The following CCDC85C variants were observed in gnomAD, a reference collection of about 807,000 sequenced individuals.
The protein encoded by CCDC85C is coiled-coil domain-containing protein 85C.
In CCDC85C, 18 loss-of-function variants were observed where a neutral mutation model predicts 38.3. The ratio of observed to expected loss-of-function variants is 0.47; its 90% confidence interval spans 0.33 to 0.70. The LOEUF (loss-of-function observed/expected upper bound fraction) is 0.70. CCDC85C is among the 30% of genes least tolerant of loss of function. The probability of loss-of-function intolerance (pLI) is 0.03; values close to 1 mark genes in which losing one functional copy is unlikely to be tolerated. For missense variants in CCDC85C, 566 were observed against 621.2 expected, an observed-to-expected ratio of 0.91 and a Z score of 0.94; for synonymous variants, 264 against 293.8, an observed-to-expected ratio of 0.90 and a Z score of 1.04.
At chr14:99,552,779 G>A (rs886357172) in intron 1 of CCDC85C, among the ~76,000 whole-genome samples, 3 of 152,252 alleles carry the variant, frequency 2.0e-5, no homozygotes, top group South Asian at 2.1e-4. Flanking sequence ...TTGGACCCAA[G>A]GTTCTCCCCG....
At chr14:99,551,119 A>G (rs1418562726) in intron 1 of CCDC85C, among the ~76,000 whole-genome samples, 1 of 152,254 alleles carries the variant, frequency 6.6e-6, no homozygotes, top group East Asian at 1.9e-4. Flanking sequence ...TGCTTGTGAC[A>G]TAATGACAAA....
In CCDC85C at chr14:99,545,690, C is replaced by T. The variant is rs1897792274; in HGVS notation, c.794-9602G>A. On this transcript the variant is annotated intron_variant, in intron 1 of 5. Coordinates refer to ENST00000380243, the MANE Select transcript of CCDC85C (RefSeq NM_001144995.2). The surrounding 1 kb of genome is among the most constrained non-coding windows in gnomAD (Gnocchi z 4.7). ...GTGTGCAGACATCAGCTAGTCCCGC[C>T]GGGGAGAGACATCTCACCACACAGC... Among the ~76,000 whole-genome samples, 1 of 152,060 alleles carries T rather than the reference C, an allele frequency of 6.6e-6. No homozygotes were observed. Among genetic ancestry groups the T allele is most frequent in the East Asian group, 1.9e-4 (1 of 5,158 alleles).
Position 99,501,334 on chromosome 14 carries a change from A to G in CCDC85C, c.*13912T>C. The G allele has an allele frequency of 6.5e-7, 1 of 1,532,994 alleles. No homozygotes were observed. Among genetic ancestry groups the G allele is most frequent in the South Asian group, 1.1e-5 (1 of 89,096 alleles). The allele number at this position is 1,532,994 out of a possible 1,614,324, so 95.0% of individuals were successfully genotyped here. ...TGAATTTTTCTATTGCTATTAATTT[A>G]CCTTTTTGTCCCCATTTCTAGGTGA... is the stretch of plus-strand genomic sequence containing the variant. On this transcript the variant is annotated 3_prime_UTR_variant, in exon 6 of 6. Coordinates refer to ENST00000380243, the MANE Select transcript of CCDC85C (RefSeq NM_001144995.2).
intron 1 of CCDC85C, among the ~76,000 whole-genome samples, chr14:99,601,039 A>C (rs969838178): frequency 2.0e-5 from 3 of 152,302 alleles, no homozygotes; most frequent in Admixed American, 2.0e-4. Flanking sequence ...AAAGGGAAAA[A>C]AGAAAGAAAG....
chr14:99,520,957 A>G lies in CCDC85C; in HGVS notation c.975+1176T>C, dbSNP rs1341013315. On this transcript the variant is annotated intron_variant, in intron 3 of 5. Coordinates refer to ENST00000380243, the MANE Select transcript of CCDC85C (RefSeq NM_001144995.2). This position sits in a 1 kb window ranked among gnomAD's most constrained non-coding sequence, Gnocchi z 4.1. ...ACTCTCAGGCCTTGAGGCTCGGCCC[A>G]TGCCTGAGGTGTGCTCTCCAGAGGC... Among the ~76,000 whole-genome samples the G allele has an allele frequency of 1.3e-5, 2 of 152,240 alleles. No individual in the cohort carries two copies. The highest frequency in any genetic ancestry group is 2.9e-5 in the Non-Finnish European group (2 of 68,038).
intron 5 of CCDC85C, among the ~76,000 whole-genome samples, chr14:99,515,902 G>A (rs923433951): frequency 6.6e-6 from 1 of 152,046 alleles, no homozygotes; most frequent in African/African-American, 2.4e-5. Context: ...CCAGTCCCGG[G>A]GGGGTGGGGG....
In CCDC85C at chr14:99,520,277, G is replaced by C. The variant is rs867586182; in HGVS notation, c.975+1856C>G. ...TCTGGATAACCCCCTCACTCTCCCC[G>C]GGGGTCCAAGTGCCAGACATGGGCT... is the stretch of plus-strand genomic sequence containing the variant. On this transcript the variant is annotated intron_variant, in intron 3 of 5. Coordinates refer to ENST00000380243, the MANE Select transcript of CCDC85C (RefSeq NM_001144995.2). This position sits in a 1 kb window ranked among gnomAD's most constrained non-coding sequence, Gnocchi z 4.1. 1.3e-5 allele frequency among the ~76,000 whole-genome samples: 2 copies of C among 152,084 alleles called. No individual in the cohort carries two copies. Among genetic ancestry groups the C allele is most frequent in the Non-Finnish European group, 2.9e-5 (2 of 67,972 alleles).
At chr14:99,542,740 C>A (rs1011164835) in intron 1 of CCDC85C, among the ~76,000 whole-genome samples, 1 of 152,232 alleles carries the variant, frequency 6.6e-6, no homozygotes, top group Non-Finnish European at 1.5e-5. Context: ...AACCCTTGGC[C>A]GCTGCTTCAT....
At chr14:99,521,060 C>G (rs903816316) in intron 3 of CCDC85C, among the ~76,000 whole-genome samples, 1 of 152,196 alleles carries the variant, frequency 6.6e-6, no homozygotes, top group Non-Finnish European at 1.5e-5. Context: ...CTGCAGGCCA[C>G]GCGGAAGACT....
In CCDC85C at chr14:99,510,389, G is replaced by A. The variant is rs1322405212; in HGVS notation, c.*4857C>T. Reference sequence around the variant, plus strand: ...AGGGCTACCAGAGCCTGCAGTCCATGATGAAGACCGAGGGACCCTCCTACG... The same window carrying A: ...AGGGCTACCAGAGCCTGCAGTCCATAATGAAGACCGAGGGACCCTCCTACG... On this transcript the variant is annotated 3_prime_UTR_variant, in exon 6 of 6. Transcript: ENST00000380243. 6 of 1,566,390 alleles carry A rather than the reference G, an allele frequency of 3.8e-6. No homozygotes were observed. The highest frequency in any genetic ancestry group is 1.9e-5 in the Admixed American group (1 of 52,402).
intron 1 of CCDC85C, among the ~76,000 whole-genome samples, chr14:99,561,569 GGGCGCCATGCAGT>G (rs1898117917): frequency 2.0e-5 from 3 of 152,190 alleles, no homozygotes; most frequent in African/African-American, 7.2e-5. Context: ...CACCAGGGGC[GGGCGCCATGCAGT>G]GGCTCCTGGC....
In CCDC85C at chr14:99,510,211, T is replaced by C; in HGVS notation, c.*5035A>G. On this transcript the variant is annotated 3_prime_UTR_variant, in exon 6 of 6. Coordinates refer to ENST00000380243, the MANE Select transcript of CCDC85C (RefSeq NM_001144995.2). ...GGTGAGGCTGAGCCGCCGGGCCCTG[T>C]GGATGCCACTGACCTCCCCAAAGTC... 6.3e-7 allele frequency: 1 copy of C among 1,597,212 alleles called. No individual in the cohort carries two copies. Among genetic ancestry groups the C allele is most frequent in the Non-Finnish European group, 8.5e-7 (1 of 1,175,102 alleles).
chr14:99,511,082 T>C lies in CCDC85C; in HGVS notation c.*4164A>G, dbSNP rs1188787049. The stretch of plus-strand genomic sequence containing the variant: ...TACTAGTGAGGACGTTAACCAGCCA[T>C]ATTGGCTCAATAAATAGCTTCGGTA... On this transcript the variant is annotated 3_prime_UTR_variant, in exon 6 of 6. Transcript: ENST00000380243. 4.0e-6 allele frequency: 1 copy of C among 248,642 alleles called. No individual in the cohort carries two copies. The highest frequency in any genetic ancestry group is 7.6e-6 in the Non-Finnish European group (1 of 130,956). 15.4% of individuals were successfully genotyped at this position (248,642 alleles called of 1,614,324 possible). A position where few individuals can be genotyped will look rare whatever the true frequency, so the allele number is the denominator to read the frequency against.
Position 99,558,372 on chromosome 14 carries a change from A to G in CCDC85C, c.794-22284T>C, listed in dbSNP as rs111449912. Among the ~76,000 whole-genome samples the G allele has an allele frequency of 6.6e-6, 1 of 152,258 alleles. No individual in the cohort carries two copies. The highest frequency in any genetic ancestry group is 2.4e-5 in the African/African-American group (1 of 41,468). ...TAAGGTCCAGAGGAGACCACACTGT[A>G]TTAGGGTGGCCCTAAATCCAGTGAC... On this transcript the variant is annotated intron_variant, in intron 1 of 5. Transcript: ENST00000380243. The surrounding 1 kb of genome is among the most constrained non-coding windows in gnomAD (Gnocchi z 4.2).
chr14:99,594,683 G>A (rs1190727602), intron 1 of CCDC85C, among the ~76,000 whole-genome samples: 1 of 152,170 alleles, frequency 6.6e-6, no homozygotes, highest in Non-Finnish European at 1.5e-5. Context: ...AAGAGATGAG[G>A]GTCCCTGGGA....
At chr14:99,540,879 T>C (rs750916443) in intron 1 of CCDC85C, among the ~76,000 whole-genome samples, 2 of 152,246 alleles carry the variant, frequency 1.3e-5, no homozygotes, top group Non-Finnish European at 2.9e-5. Context: ...GCCCTCCCCA[T>C]TGGCGCTGTG....
At position 99,572,349 on chromosome 14, in the gene CCDC85C, G is replaced by A. The variant is rs139769363; in HGVS notation, c.793+30818C>T. Among the ~76,000 whole-genome samples the A allele has an allele frequency of 2.0e-4, 30 of 152,294 alleles. No individual in the cohort carries two copies. The East Asian group carries it at 5.2e-3, about 26-fold the overall frequency. On this transcript the variant is annotated intron_variant, in intron 1 of 5. Transcript: ENST00000380243. This position sits in a 1 kb window ranked among gnomAD's most constrained non-coding sequence, Gnocchi z 4.4. ...AAGGAAACTGAAAGCTGTGGCATGT[G>A]GCCTTCCTCACGGGACACTGCGGGC...
At position 99,522,167 on chromosome 14, in the gene CCDC85C, G is replaced by C. The variant is rs1214699682; in HGVS notation, c.941C>G (p.Ser314Cys). 6.4e-7 allele frequency: 1 copy of C among 1,551,178 alleles called. No homozygotes were observed. Among genetic ancestry groups the C allele is most frequent in the Non-Finnish European group, 8.7e-7 (1 of 1,146,932 alleles). ...GGAGTCCTGGTAGGAGGGCGGCAGG[G>C]ACGCAAGCTGGGACTCCGAGTGGTA... ...SPYHSESQLA[S>C]LPPSYQDSLQ... The change falls in exon 3 of 6, where the codon TCC becomes TGC. Residue 314 changes from serine to cysteine, a missense_variant. Around this residue, in one of 3 missense-constraint regions of CCDC85C, gnomAD observed 286 missense variants for 276.4 expected, o/e 1.03. Coordinates refer to ENST00000380243, the MANE Select transcript of CCDC85C (RefSeq NM_001144995.2).
In CCDC85C at chr14:99,503,902, A is replaced by T; in HGVS notation, c.*11344T>A. 2.0e-6 allele frequency: 1 copy of T among 497,400 alleles called. No individual in the cohort carries two copies. The highest frequency in any genetic ancestry group is 3.7e-5 in the Admixed American group (1 of 26,926). 30.8% of individuals were successfully genotyped at this position (497,400 alleles called of 1,614,324 possible). On this transcript the variant is annotated 3_prime_UTR_variant, in exon 6 of 6. Transcript: ENST00000380243. Reference sequence around the variant, plus strand: ...ACTCAGTAACATATATAAAAGTATAATTATGGCTGTAGGAGAACTGTTGCT... The same window carrying T: ...ACTCAGTAACATATATAAAAGTATATTTATGGCTGTAGGAGAACTGTTGCT...
Sources: allele counts gnomAD v4.1 joint callset (sites outside exome capture counted in the v4.1 genomes callset), GRCh38; gene constraint gnomAD v4.1.1; regional missense constraint gnomAD v4.1.1; non-coding constraint Gnocchi (gnomAD v3.1); transcripts MANE v1.5; gene names NCBI Gene and HGNC (gene_info 2026-07-23, HGNC 2026-07-21).